Variants in SAMD9L observed in about 807,000 individuals in gnomAD.
SAMD9L encodes sterile alpha motif domain containing 9 like, also known as sterile alpha motif domain-containing protein 9-like.
In SAMD9L, 68 loss-of-function variants were observed where a neutral mutation model predicts 90.7. The ratio of observed to expected loss-of-function variants is 0.75; its 90% CI spans 0.62 to 0.92. The LOEUF (loss-of-function observed/expected upper bound fraction) is 0.92. Among genes scored for constraint, SAMD9L ranks in the 40% least tolerant of loss-of-function variants. SAMD9L has a pLI of 0.00. For missense variants in SAMD9L, 1,604 were observed against 1,824.3 expected (o/e 0.88, Z 2.20); for synonymous variants, 640 against 630.1 (o/e 1.02, Z -0.23).
chr7:93,131,484 G>A lies in SAMD9L; in HGVS notation c.4488C>T (p.Tyr1496=). ...SIVHKAKIEQ[Y]FDKAQNTNSL... ...AATTTGTATTTTGTGCTTTATCAAAGTACTGCTCTATTTTGGCCTTGTGAA... is the reference window on the plus strand; with the variant it reads ...AATTTGTATTTTGTGCTTTATCAAAATACTGCTCTATTTTGGCCTTGTGAA... The change falls in exon 5 of 5, where the codon TAC becomes TAT. Residue 1496 remains tyrosine (Y), a synonymous_variant. Coordinates refer to ENST00000318238, the MANE Select transcript of SAMD9L (RefSeq NM_152703.5). 1 of 1,613,892 alleles carries A rather than the reference G, an allele frequency of 6.2e-7. No individual in the cohort carries two copies.
rs766751432 is a variant in SAMD9L at position 93,131,883 on chromosome 7, T to C, written c.4089A>G (p.Glu1363=). ...AGTTTTGCTGCAGTAGGAAGGCATA[T>C]TCATTCACTATACTTTCCATGGTGG... ...DATTMESIVN[E]YAFLLQQNSK... is the part of the protein sequence containing the mutation. Residue 1363 remains glutamate (E), a synonymous_variant, in exon 5 of 5, where the codon GAA becomes GAG. Transcript: ENST00000318238. 2.5e-6 allele frequency: 4 copies of C among 1,612,290 alleles called. No individual in the cohort carries two copies. Among genetic ancestry groups the C allele is most frequent in the Non-Finnish European group, 2.5e-6 (3 of 1,179,870 alleles).
In SAMD9L at chr7:93,133,187, T is replaced by C. The variant is rs1373390212; in HGVS notation, c.2785A>G (p.Ser929Gly). 1 of 1,613,572 alleles carries C rather than the reference T, an allele frequency of 6.2e-7. No individual in the cohort carries two copies. Among genetic ancestry groups the C allele is most frequent in the Non-Finnish European group, 8.5e-7 (1 of 1,179,768 alleles). The change falls in exon 5 of 5, where the codon AGC (serine) becomes GGC (glycine). Residue 929 changes from serine (S) to glycine (G), a missense_variant. Around this residue, in one of 7 missense-constraint regions of SAMD9L, gnomAD observed 606 missense variants for 717.6 expected, o/e 0.84. Coordinates refer to ENST00000318238, the MANE Select transcript of SAMD9L (RefSeq NM_152703.5). The part of the protein sequence containing the change: ...AQLISFLALL[S>G]SYVTDSTISV... ...ATTGTAGAGTCAGTAACATAAGAGC[T>C]GAGTAAAGCCAGGAAGGAAATGAGT... is the stretch of plus-strand genomic sequence containing the variant.
At chr7:93,138,967 A>G (rs1792570816) in intron 4 of SAMD9L, among the ~76,000 whole-genome samples, 1 of 152,072 alleles carries the variant, frequency 6.6e-6, no homozygotes, top group Non-Finnish European at 1.5e-5. Flanking sequence ...GTCATTACAT[A>G]TGAGATAACT....
intron 4 of SAMD9L, among the ~76,000 whole-genome samples, chr7:93,136,498 CA>C (rs1046260432): frequency 3.3e-5 from 5 of 152,200 alleles, no homozygotes; most frequent in African/African-American, 1.2e-4. Context: ...TGTTAGGCCA[CA>C]AGGCTAGGGT....
Position 93,134,910 on chromosome 7 carries a change from G to A in SAMD9L, c.1062C>T (p.Ala354=), listed in dbSNP as rs2116499562. ...AATCTACATCCCGTTGCTTGGAATT[G>A]GCCAGGATATCCCTAGAGCTAGCCC... ...REGASSRDIL[A]NSKQRDVDFK... The change falls in exon 5 of 5, where the codon GCC becomes GCT. Residue 354 remains alanine (A), a synonymous_variant. Transcript: ENST00000318238. 1 of 1,613,888 alleles carries A rather than the reference G, an allele frequency of 6.2e-7. No individual in the cohort carries two copies.
In SAMD9L at chr7:93,134,493, G is replaced by A; in HGVS notation, c.1479C>T (p.Pro493=). ...ATCTGCCGTTGCAGAAAATCCAGCT[G>A]GGCTGTTGGTAAAGATTAAGAGTAG... ...KISTLNLYQQ[P]SWIFCNGRSD... Residue 493 remains proline, a synonymous_variant, in exon 5 of 5, where the codon CCC becomes CCT. Transcript: ENST00000318238. 1.2e-6 allele frequency: 2 copies of A among 1,613,922 alleles called. No individual in the cohort carries two copies. The highest frequency in any genetic ancestry group is 1.7e-6 in the Non-Finnish European group (2 of 1,179,874).
In SAMD9L at chr7:93,134,627, C is replaced by T; in HGVS notation, c.1345G>A (p.Glu449Lys). 1 of 1,613,976 alleles carries T rather than the reference C, an allele frequency of 6.2e-7. No individual in the cohort carries two copies. The highest frequency in any genetic ancestry group is 8.5e-7 in the Non-Finnish European group (1 of 1,179,912). ...TTGACCACTCCATTGATCATAGATTCAGGATCAAACTCCAACACAGCAAAC... is the reference window on the plus strand; with the variant it reads ...TTGACCACTCCATTGATCATAGATTTAGGATCAAACTCCAACACAGCAAAC... ...KWFAVLEFDP[E>K]SMINGVVKAY... is the part of the protein sequence containing the mutation. Residue 449 changes from glutamate to lysine, a missense_variant, in exon 5 of 5, where the codon GAA (glutamate) becomes AAA (lysine). Transcript: ENST00000318238.
At chr7:93,142,790 G>A (rs1792742799) in intron 4 of SAMD9L, among the ~76,000 whole-genome samples, 1 of 152,232 alleles carries the variant, frequency 6.6e-6, no homozygotes, top group African/African-American at 2.4e-5. Context: ...TGCTCTTACT[G>A]TCACCATAGA....
chr7:93,135,448 T>C lies in SAMD9L; in HGVS notation c.524A>G (p.His175Arg). The C allele has an allele frequency of 6.2e-7, 1 of 1,614,156 alleles. No homozygotes were observed. The highest frequency in any genetic ancestry group is 8.5e-7 in the Non-Finnish European group (1 of 1,179,964). ...PYPFDQFHDS[H>R]RYIEHYTLQP... ...TAGAGTATAATGTTCTATGTAGCGA[T>C]GGCTGTCATGGAACTGATCAAAAGG... is the stretch of plus-strand genomic sequence containing the variant. Residue 175 changes from histidine (H) to arginine (R), a missense_variant, in exon 5 of 5, where the codon CAT (histidine) becomes CGT (arginine). His to Arg is a conservative substitution (Grantham distance 29, BLOSUM62 0). This residue lies in a region of SAMD9L where 374 missense variants were observed against 363.6 expected (regional missense o/e 1.03). Transcript: ENST00000318238.
Position 93,134,636 on chromosome 7 carries a change from A to T in SAMD9L, c.1336T>A (p.Phe446Ile). 7 of 1,613,970 alleles carry T rather than the reference A, an allele frequency of 4.3e-6. No homozygotes were observed. The highest frequency in any genetic ancestry group is 5.9e-6 in the Non-Finnish European group (7 of 1,179,908). ...KEIKWFAVLE[F>I]DPESMINGVV... is the part of the protein sequence containing the mutation. ...CCATTGATCATAGATTCAGGATCAA[A>T]CTCCAACACAGCAAACCATTTAATT... The change falls in exon 5 of 5, where the codon TTT (phenylalanine) becomes ATT (isoleucine). Residue 446 changes from phenylalanine to isoleucine, a missense_variant. Physicochemically the swap from Phe to Ile is conservative, Grantham distance 21 (BLOSUM62 0). Around this residue, in one of 7 missense-constraint regions of SAMD9L, gnomAD observed 606 missense variants for 717.6 expected, o/e 0.84. Coordinates refer to ENST00000318238, the MANE Select transcript of SAMD9L (RefSeq NM_152703.5).
chr7:93,130,405 T>A lies in SAMD9L; in HGVS notation c.*812A>T, dbSNP rs1006003498. On this transcript the variant is annotated 3_prime_UTR_variant, in exon 5 of 5. Coordinates refer to ENST00000318238, the MANE Select transcript of SAMD9L (RefSeq NM_152703.5). ...GGCAATCTCAACAGAGAGAACAGCA[T>A]GTATATAGCACAGGTTGAGAAGTAA... 2 of 152,078 alleles carry A rather than the reference T, an allele frequency of 1.3e-5. No individual in the cohort carries two copies. The highest frequency in any genetic ancestry group is 1.3e-4 in the Admixed American group (2 of 15,256). The allele number at this position is 152,078 out of a possible 1,614,324, so 9.4% of individuals were successfully genotyped here. A position where few individuals can be genotyped will look rare whatever the true frequency, so the allele number is the denominator to read the frequency against.
chr7:93,132,286 A>G lies in SAMD9L; in HGVS notation c.3686T>C (p.Val1229Ala). Reference sequence around the variant, plus strand: ...GGTCCACTTTCCTGATAAAAATTGCACCATATGTTTTTTGGATAATTCATT... The same window carrying G: ...GGTCCACTTTCCTGATAAAAATTGCGCCATATGTTTTTTGGATAATTCATT... The part of the protein sequence containing the change: ...KENELSKKHM[V>A]QFLSGKWTIP... The change falls in exon 5 of 5, where the codon GTG becomes GCG. Residue 1229 changes from valine (V) to alanine (A), a missense_variant. Around this residue, in one of 7 missense-constraint regions of SAMD9L, gnomAD observed 302 missense variants for 314.7 expected, o/e 0.96. Transcript: ENST00000318238. 6.2e-7 allele frequency: 1 copy of G among 1,613,792 alleles called. No homozygotes were observed. Among genetic ancestry groups the G allele is most frequent in the Non-Finnish European group, 8.5e-7 (1 of 1,179,840 alleles).
intron 4 of SAMD9L, among the ~76,000 whole-genome samples, chr7:93,142,931 G>A (rs1792748623): frequency 6.6e-6 from 1 of 152,126 alleles, no homozygotes; most frequent in African/African-American, 2.4e-5. Flanking sequence ...TCCCTTCTGT[G>A]GCTACAGCAA....
Position 93,133,274 on chromosome 7 carries a change from A to T in SAMD9L, c.2698T>A (p.Tyr900Asn). Residue 900 changes from tyrosine (Y) to asparagine (N), a missense_variant, in exon 5 of 5, where the codon TAT (tyrosine) becomes AAT (asparagine). Transcript: ENST00000318238. ...ATATTCCTGACTACATTTTCTATAT[A>T]TGTTTCATCAAAATTGCTTTTCATG... ...MIMKSNFDET[Y>N]IENVVRNILK... is the part of the protein sequence containing the mutation. 6.2e-7 allele frequency: 1 copy of T among 1,612,702 alleles called. No homozygotes were observed. Among genetic ancestry groups the T allele is most frequent in the South Asian group, 1.1e-5 (1 of 90,964 alleles).
chr7:93,147,260 T>C (rs1371061229), intron 1 of SAMD9L, 114 bp from the exon 2 acceptor site: 2 of 152,228 alleles, frequency 1.3e-5, no homozygotes, highest in African/African-American at 4.8e-5. Flanking sequence ...TGACCATGAT[T>C]AGTGTGGACA....
chr7:93,147,902 C>T (rs911661655), intron 1 of SAMD9L, among the ~76,000 whole-genome samples: 4 of 152,154 alleles, frequency 2.6e-5, no homozygotes, highest in Admixed American at 6.5e-5. Context: ...CTGTTTGCAT[C>T]GTTTCTCTAT....
intron 4 of SAMD9L, among the ~76,000 whole-genome samples, chr7:93,144,170 G>C (rs1473034324): frequency 6.6e-6 from 1 of 152,166 alleles, no homozygotes; most frequent in Admixed American, 6.5e-5. Flanking sequence ...CATGGATAAA[G>C]GTGTAGCTGC....
rs1341751543 is a variant in SAMD9L, at chr7:93,143,991, G to A, written c.-21+741C>T. Among the ~76,000 whole-genome samples the A allele has an allele frequency of 2.0e-5, 3 of 152,208 alleles. No individual in the cohort carries two copies. The East Asian group carries it at 5.8e-4, about 29-fold the overall frequency. On this transcript the variant is annotated intron_variant, in intron 4 of 4. Coordinates refer to ENST00000318238, the MANE Select transcript of SAMD9L (RefSeq NM_152703.5). Reference sequence around the variant, plus strand: ...GCTACACAGTGTGTATAAAGGTGGAGGAGTTGTGATCAGAAAAATGATGTC... The same window carrying A: ...GCTACACAGTGTGTATAAAGGTGGAAGAGTTGTGATCAGAAAAATGATGTC...
Position 93,130,305 on chromosome 7 carries a change from G to C in SAMD9L, c.*912C>G, listed in dbSNP as rs1347829671. Reference sequence around the variant, plus strand: ...TGATGGTGGTCAAGGAAGACTTCCTGGTGAAGGTGACTCTTGAAATCAGTT... The same window carrying C: ...TGATGGTGGTCAAGGAAGACTTCCTCGTGAAGGTGACTCTTGAAATCAGTT... On this transcript the variant is annotated 3_prime_UTR_variant, in exon 5 of 5. Coordinates refer to ENST00000318238, the MANE Select transcript of SAMD9L (RefSeq NM_152703.5). The C allele has an allele frequency of 6.6e-6, 1 of 152,118 alleles. No individual in the cohort carries two copies. Among genetic ancestry groups the C allele is most frequent in the African/African-American group, 2.4e-5 (1 of 41,428 alleles). 9.4% of individuals were successfully genotyped at this position (152,118 alleles called of 1,614,324 possible).
Sources: gnomAD v4.1 joint callset for allele counts (sites outside exome capture counted in the v4.1 genomes callset) on GRCh38, gnomAD v4.1.1 for gene constraint, gnomAD v4.1.1 regional missense constraint, MANE v1.5 for transcripts, NCBI Gene and HGNC (gene_info 2026-07-23, HGNC 2026-07-21) for gene names.